Variants in TUSC3 observed in about 807,000 individuals in gnomAD.
TUSC3 encodes the protein tumor suppressor candidate 3, also known as dolichyl-diphosphooligosaccharide--protein glycosyltransferase subunit TUSC3.
In TUSC3, 45 loss-of-function variants were observed where a neutral mutation model predicts 44.8. That is an observed-to-expected ratio of 1.00 (90% confidence interval 0.79 to 1.29). The LOEUF is 1.29. Ranked by LOEUF, TUSC3 falls within the 50% of genes most tolerant of loss-of-function variation. The probability of loss-of-function intolerance (pLI) is 0.00; values close to 1 mark genes in which losing one functional copy is unlikely to be tolerated. For missense variants in TUSC3, 519 were observed against 437.9 expected (o/e 1.19, Z -1.65); for synonymous variants, 212 against 152.9 (o/e 1.39, Z -2.85).
the TUSC3 span, among the ~76,000 whole-genome samples, chr8:15,807,807 A>C: frequency 6.6e-6 from 1 of 152,206 alleles, no homozygotes; most frequent in Admixed American, 6.5e-5. Context: ...GTGGGAGCTA[A>C]ACATTGAGAA....
chr8:15,442,869 C>A (rs1800038912), intron 1 of TUSC3, among the ~76,000 whole-genome samples: 1 of 152,138 alleles, frequency 6.6e-6, no homozygotes, highest in Non-Finnish European at 1.5e-5. Context: ...CAGTTGTAGA[C>A]AAGAATCTTC....
intron 1 of TUSC3, among the ~76,000 whole-genome samples, chr8:15,559,542 T>A (rs199790395): frequency 0.027 from 3,855 of 141,218 alleles, 443 homozygotes; most frequent in East Asian, 0.25. Flanking sequence ...AGCTGAGTTC[T>A]ATTCCTGGGT....
At chr8:15,738,827 C>CTTTTTTTTTCTTTCTTTTTTTTTTTT (rs1554484836) in intron 7 of TUSC3, among the ~76,000 whole-genome samples, 3 of 87,202 alleles carry the variant, frequency 3.4e-5, no homozygotes, top group African/African-American at 1.5e-4. Flanking sequence ...ATATATCTTG[C>CTTTTTTTTTCTTTCTTTTTTTTTTTT]TTTTTTTTTT....
chr8:15,757,857 C>G lies in TUSC3; in HGVS notation c.*46+2C>G. On this transcript the variant is annotated splice_donor_variant, in intron 10 of 10. Transcript: ENST00000503731. LOFTEE classifies it low-confidence loss of function (3UTR_SPLICE). The stretch of plus-strand genomic sequence containing the variant: ...CACTTAAAAACTCTATAACCTCAGG[C>G]AAGTCTTTTAATCTTCTCTGAGCCT... 1 of 1,373,340 alleles carries G rather than the reference C, an allele frequency of 7.3e-7. No homozygotes were observed. The highest frequency in any genetic ancestry group is 1.0e-6 in the Non-Finnish European group (1 of 960,692). 85.1% of individuals were successfully genotyped at this position (1,373,340 alleles called of 1,614,324 possible).
At chr8:15,697,147 G>C (rs1464772352) in intron 6 of TUSC3, among the ~76,000 whole-genome samples, 1 of 151,972 alleles carries the variant, frequency 6.6e-6, no homozygotes, top group African/African-American at 2.4e-5. Context: ...ATTTCTTATT[G>C]AGCTTGTTTG....
At chr8:15,429,135 T>G (rs2129116566) in intron 1 of TUSC3, among the ~76,000 whole-genome samples, 1 of 152,290 alleles carries the variant, frequency 6.6e-6, no homozygotes, top group South Asian at 2.1e-4. Flanking sequence ...CCATGTTGAA[T>G]TAATTTTTGT....
the TUSC3 span, among the ~76,000 whole-genome samples, chr8:15,796,267 C>T: frequency 6.6e-6 from 1 of 152,154 alleles, no homozygotes; most frequent in African/African-American, 2.4e-5. Context: ...TACCAGAAAA[C>T]AGACTCATGT....
the TUSC3 span, among the ~76,000 whole-genome samples, chr8:15,772,875 A>G: frequency 2.2e-5 from 3 of 134,654 alleles, no homozygotes; most frequent in Non-Finnish European, 3.3e-5. Context: ...GTAACACACC[A>G]CATGAACAGA....
Position 15,673,806 on chromosome 8 carries a change from T to C in TUSC3, c.768T>C (p.Tyr256=), listed in dbSNP as rs149033081. ...GGAACCATATCCGTGGACCTCCATA[T>C]GCTCATAAGAACCCACACAATGGAC... ...QMWNHIRGPP[Y]AHKNPHNGQV... Residue 256 remains tyrosine, a synonymous_variant, in exon 6 of 11, where the codon TAT becomes TAC. Transcript: ENST00000503731. The C allele has an allele frequency of 3.0e-4, 482 of 1,612,792 alleles. No individual in the cohort carries two copies. Among genetic ancestry groups the C allele is most frequent in the South Asian group, 6.4e-4 (58 of 91,054 alleles).
chr8:15,680,810 T>C (rs562087665), intron 6 of TUSC3, among the ~76,000 whole-genome samples: 92 of 152,270 alleles, frequency 6.0e-4, no homozygotes, highest in South Asian at 5.0e-3. Context: ...CTGGACATTA[T>C]TGAAAGCTTT....
intron 2 of TUSC3, 116 bp from the exon 3 acceptor site, chr8:15,650,581 C>T: frequency 1.3e-6 from 1 of 757,366 alleles, no homozygotes; most frequent in Admixed American, 2.3e-5. Flanking sequence ...CTATGCTTTT[C>T]TTACAGTCTG....
chr8:15,523,954 G>T lies in TUSC3; in HGVS notation n.189+40471G>T, dbSNP rs367791244. Reference sequence around the variant, plus strand: ...ACCTGTAGTCCCATCTACTCGGGAGGCTGAGGCAGGAGAATCACTTGAACC... The same window carrying T: ...ACCTGTAGTCCCATCTACTCGGGAGTCTGAGGCAGGAGAATCACTTGAACC... On this transcript the variant is annotated intron_variant and non_coding_transcript_variant, in intron 2 of 5. Coordinates refer to the TUSC3 transcript ENST00000503191. Among the ~76,000 whole-genome samples the T allele has an allele frequency of 5.3e-5, 8 of 150,874 alleles. No individual in the cohort carries two copies. In the South Asian group the frequency reaches 1.3e-3, roughly 24 times the overall value.
At chr8:15,507,927 A>C (rs151141108) in intron 2 of TUSC3, among the ~76,000 whole-genome samples, 359 of 152,280 alleles carry the variant, frequency 2.4e-3, no homozygotes, top group African/African-American at 8.5e-3. Context: ...ACTTGAGCCA[A>C]AATAACGAAA....
intron 6 of TUSC3, among the ~76,000 whole-genome samples, chr8:15,693,841 T>A (rs532245601): frequency 6.6e-6 from 1 of 152,200 alleles, no homozygotes; most frequent in Admixed American, 6.5e-5. Flanking sequence ...TGTTCATTCT[T>A]TATTGTTTTT....
intron 1 of TUSC3, among the ~76,000 whole-genome samples, chr8:15,605,476 G>A (rs547412537): frequency 5.7e-4 from 86 of 151,878 alleles, no homozygotes; most frequent in African/African-American, 2.0e-3. Context: ...GTTGACCCTT[G>A]AACAACATGG....
the TUSC3 span, among the ~76,000 whole-genome samples, chr8:15,775,681 T>G: frequency 8.2e-6 from 1 of 122,600 alleles, no homozygotes; most frequent in Non-Finnish European, 1.9e-5. Context: ...CACACATAAA[T>G]ACATATGTAC....
At chr8:15,441,170 G>T (rs1274404099) in intron 1 of TUSC3, among the ~76,000 whole-genome samples, 1 of 152,210 alleles carries the variant, frequency 6.6e-6, no homozygotes, top group Non-Finnish European at 1.5e-5. Context: ...ACTTTGGGAG[G>T]CTGAGACAGG....
intron 1 of TUSC3, among the ~76,000 whole-genome samples, chr8:15,469,535 C>T (rs530248991): frequency 2.0e-5 from 3 of 152,304 alleles, no homozygotes; most frequent in Admixed American, 6.5e-5. Flanking sequence ...GAAGTTCTTT[C>T]ATTGCTGGTG....
rs981121751 is a variant in TUSC3 at position 15,765,185 on chromosome 8, C to T, written c.*1029C>T. 8 of 151,908 alleles carry T rather than the reference C, an allele frequency of 5.3e-5. No individual in the cohort carries two copies. The highest frequency in any genetic ancestry group is 1.2e-4 in the Non-Finnish European group (8 of 67,934). 9.4% of individuals were successfully genotyped at this position (151,908 alleles called of 1,614,324 possible). On this transcript the variant is annotated 3_prime_UTR_variant, in exon 11 of 11. Transcript: ENST00000503731. ...CCTCACAATAACCTTGTAAATTAGT[C>T]AGGAAATGTAAATTTTATCTGACTC...
Sources: gnomAD v4.1 joint callset for allele counts (sites outside exome capture counted in the v4.1 genomes callset) on GRCh38, gnomAD v4.1.1 for gene constraint, MANE v1.5 for transcripts, NCBI Gene and HGNC (gene_info 2026-07-23, HGNC 2026-07-21) for gene names.